MEGF6: variants seen among roughly 807,000 people sequenced by gnomAD.
MEGF6 encodes the protein multiple EGF like domains 6.
A neutral mutation model predicts 207.1 loss-of-function variants in MEGF6; 184 were observed. That is an observed-to-expected ratio of 0.89 (90% CI 0.79 to 1.00). The LOEUF (loss-of-function observed/expected upper bound fraction) is 1.00, where lower values mean the gene tolerates loss of function less well. MEGF6 is among the 50% of genes least tolerant of loss of function. The pLI is 0.00. For synonymous variants in MEGF6, 1,038 were observed against 910.0 expected (o/e 1.14, Z -2.53); for missense variants, 2,282 against 2,202.9 (o/e 1.04, Z -0.72).
At chr1:3,517,073 T>C (rs892399753) in intron 5 of MEGF6, among the ~76,000 whole-genome samples, 1 of 152,234 alleles carries the variant, frequency 6.6e-6, no homozygotes, top group Non-Finnish European at 1.5e-5. Flanking sequence ...CCTCTGAGCA[T>C]GGCCTGCGCC....
rs774344743 is a variant in MEGF6, at chr1:3,510,884, T to C, written c.1133A>G (p.Asp378Gly). ...GCACACCTGCTGGCAGCACGGGCTG[T>C]CTGCACAGTCGTCGACATCTGTGGA... ...RTCIDVDDCADSPCCQQVCTN... is the reference protein window; with the variant it reads ...RTCIDVDDCAGSPCCQQVCTN... Residue 378 changes from aspartate to glycine, a missense_variant, in exon 10 of 37, where the codon GAC (aspartate) becomes GGC (glycine). Coordinates refer to ENST00000356575, the MANE Select transcript of MEGF6 (RefSeq NM_001409.4). 6.2e-7 allele frequency: 1 copy of C among 1,608,262 alleles called. No homozygotes were observed. The highest frequency in any genetic ancestry group is 2.2e-5 in the East Asian group (1 of 44,642).
chr1:3,571,354 C>T (rs1643487720), intron 4 of MEGF6, among the ~76,000 whole-genome samples: 2 of 152,158 alleles, frequency 1.3e-5, no homozygotes, highest in South Asian at 2.1e-4. Context: ...AGGACTCCCA[C>T]CCCCGAGCAC....
intron 4 of MEGF6, among the ~76,000 whole-genome samples, chr1:3,576,440 G>T (rs921645716): frequency 3.3e-5 from 5 of 152,214 alleles, no homozygotes; most frequent in Non-Finnish European, 5.9e-5. Context: ...AAATAATTTG[G>T]GGGAACCAGA....
At chr1:3,496,050 C>T (rs1459178112) in intron 29 of MEGF6, 32 bp from the exon 30 acceptor site, 3 of 1,484,808 alleles carry the variant, frequency 2.0e-6, no homozygotes, top group Admixed American at 2.2e-5. Context: ...TCGTGGCTGG[C>T]TTCCCTTCTC....
chr1:3,556,364 T>G lies in MEGF6; in HGVS notation c.481+23461A>C, dbSNP rs878063. Among the ~76,000 whole-genome samples, 1 of 152,070 alleles carries G rather than the reference T, an allele frequency of 6.6e-6. No homozygotes were observed. The highest frequency in any genetic ancestry group is 6.5e-5 in the Admixed American group (1 of 15,270). On this transcript the variant is annotated intron_variant, in intron 4 of 36. Transcript: ENST00000356575. The surrounding 1 kb of genome is among the most constrained non-coding windows in gnomAD (Gnocchi z 4.4). Reference sequence around the variant, plus strand: ...AGGTGACAACGTCACACTCATTACATGAAGTTTCATGGTAAGTGGCGCATC... The same window carrying G: ...AGGTGACAACGTCACACTCATTACAGGAAGTTTCATGGTAAGTGGCGCATC...
Position 3,528,827 on chromosome 1 carries a change from C to G in MEGF6, c.482-4581G>C, listed in dbSNP as rs528509680. On this transcript the variant is annotated intron_variant, in intron 4 of 36. Transcript: ENST00000356575. ...TCCAGAAGGAGCACAGCCCTGCCCA[C>G]GCCTTGATTTTAGCCCACTTTGGAC... Among the ~76,000 whole-genome samples, 10 of 152,322 alleles carry G rather than the reference C, an allele frequency of 6.6e-5. No individual in the cohort carries two copies. The East Asian group carries it at 1.9e-3, about 29-fold the overall frequency.
intron 10 of MEGF6, 111 bp from the exon 11 acceptor site, chr1:3,510,103 G>A: frequency 7.2e-7 from 1 of 1,387,770 alleles, no homozygotes. Context: ...CCCTGCCAGA[G>A]CTGAGTAGCA....
chr1:3,602,417 C>A, intron 2 of MEGF6, 49 bp downstream of exon 2: 2 of 1,611,782 alleles, frequency 1.2e-6, no homozygotes, highest in Non-Finnish European at 1.7e-6. Context: ...GTCAGTGCCG[C>A]CCTTTGTGTG....
chr1:3,549,182 G>A (rs538477062), intron 4 of MEGF6, among the ~76,000 whole-genome samples: 30 of 152,280 alleles, frequency 2.0e-4, no homozygotes, highest in African/African-American at 6.5e-4. Context: ...CGGGGCCCCC[G>A]TGCTCAGCCC....
intron 4 of MEGF6, among the ~76,000 whole-genome samples, chr1:3,568,776 C>T (rs911227307): frequency 2.7e-4 from 41 of 152,156 alleles, no homozygotes; most frequent in African/African-American, 9.4e-4. Flanking sequence ...GTGTCCTCTG[C>T]ACCTTACAGA....
At chr1:3,579,205 C>T (rs1643731598) in intron 4 of MEGF6, among the ~76,000 whole-genome samples, 1 of 152,214 alleles carries the variant, frequency 6.6e-6, no homozygotes, top group Non-Finnish European at 1.5e-5. Context: ...TTCCCATGGC[C>T]CAAATGAATC....
rs183579179 is a variant in MEGF6 at position 3,601,532 on chromosome 1, C to T, written c.266+934G>A. ...AACCTCAGCCCTCCTGGTACTGGGC[C>T]GGGTCGTCTGTTCGGGGGGTCGTCC... is the stretch of plus-strand genomic sequence containing the variant. On this transcript the variant is annotated intron_variant, in intron 2 of 36. Coordinates refer to ENST00000356575, the MANE Select transcript of MEGF6 (RefSeq NM_001409.4). Among the ~76,000 whole-genome samples, 29 of 152,290 alleles carry T rather than the reference C, an allele frequency of 1.9e-4. 1 individual carries two copies. In the East Asian group the frequency reaches 3.9e-3, roughly 20 times the overall value.
intron 4 of MEGF6, among the ~76,000 whole-genome samples, chr1:3,577,234 T>G (rs1643668917): frequency 6.6e-6 from 1 of 152,142 alleles, no homozygotes; most frequent in Admixed American, 6.5e-5. Context: ...CTGCCCCAAC[T>G]GGCCACTCTC....
At chr1:3,555,723 C>T (rs944616075) in intron 4 of MEGF6, among the ~76,000 whole-genome samples, 5 of 152,166 alleles carry the variant, frequency 3.3e-5, no homozygotes, top group African/African-American at 7.2e-5. Context: ...AGGTCAGGTG[C>T]CTGCTGCCGC....
chr1:3,582,650 C>T (rs779446215), intron 3 of MEGF6, among the ~76,000 whole-genome samples: 3 of 152,178 alleles, frequency 2.0e-5, no homozygotes, highest in Non-Finnish European at 2.9e-5. Context: ...CACAAAACAC[C>T]GCGGCCCCCA....
Position 3,501,172 on chromosome 1 carries a change from C to G in MEGF6, c.2446+5G>C, listed in dbSNP as rs1289547595. The G allele has an allele frequency of 6.2e-7, 1 of 1,612,528 alleles. No individual in the cohort carries two copies. Among genetic ancestry groups the G allele is most frequent in the Admixed American group, 1.7e-5 (1 of 59,998 alleles). On this transcript the variant is annotated splice_donor_5th_base_variant and intron_variant, in intron 19 of 36. Coordinates refer to ENST00000356575, the MANE Select transcript of MEGF6 (RefSeq NM_001409.4). ...AAGGCTCAGGGGCAGCTCCAGCTCA[C>G]TCACCGTCCTGGCAGCGGCTGCCGA...
chr1:3,544,225 ACC>A (rs1000171616), intron 4 of MEGF6, among the ~76,000 whole-genome samples: 1 of 150,566 alleles, frequency 6.6e-6, no homozygotes, highest in Non-Finnish European at 1.5e-5. Context: ...CATCAGGCTA[ACC>A]CTCTCCCCCC....
At position 3,510,819 on chromosome 1, in the gene MEGF6, C is replaced by T. The variant is rs776712885; in HGVS notation, c.1198G>A (p.Gly400Ser). ...PGGYECGCYAGYRLSADGCGC... is the reference protein window; with the variant it reads ...PGGYECGCYASYRLSADGCGC... The stretch of plus-strand genomic sequence containing the variant: ...CAGCCATCGGCACTGAGCCGGTAGC[C>T]GGCGTAGCAGCCGCACTCGTACCCG... The change falls in exon 10 of 37, where the codon GGC becomes AGC. Residue 400 changes from glycine to serine, a missense_variant. Physicochemically the swap from Gly to Ser is moderately conservative, Grantham distance 56. Transcript: ENST00000356575. 2.9e-5 allele frequency: 46 copies of T among 1,610,192 alleles called. No homozygotes were observed. Among genetic ancestry groups the T allele is most frequent in the Middle Eastern group, 1.7e-4 (1 of 6,052 alleles).
intron 3 of MEGF6, 147 bp from the exon 4 acceptor site, chr1:3,580,076 G>A (rs899978040): frequency 7.7e-5 from 44 of 574,394 alleles, no homozygotes; most frequent in South Asian, 1.5e-4. Context: ...CACATTGCCC[G>A]GCCACCAATG....
Sources: allele counts gnomAD v4.1 joint callset (sites outside exome capture counted in the v4.1 genomes callset), GRCh38; gene constraint gnomAD v4.1.1; non-coding constraint Gnocchi (gnomAD v3.1); transcripts MANE v1.5; gene names NCBI Gene and HGNC (gene_info 2026-07-23, HGNC 2026-07-21).